CISTR: variants seen among roughly 807,000 people sequenced by gnomAD.
The protein encoded by CISTR is chondrogenesis-associated transcript.
At chr12:53,755,446 T>G (rs999566871) in intron 1 of CISTR, among the ~76,000 whole-genome samples, 4 of 152,108 alleles carry the variant, frequency 2.6e-5, no homozygotes, top group African/African-American at 9.7e-5. Context: ...CTACATTTCT[T>G]TTGCTGACAG....
rs1937849412 is a variant in CISTR, at chr12:53,751,454, G to A, written n.415-489C>T. ...GTTTCCGAAATCGCCCGGCGGCCGCGAATTCATTAGTGGGGGGCGGATGTA... is the reference window on the plus strand; with the variant it reads ...GTTTCCGAAATCGCCCGGCGGCCGCAAATTCATTAGTGGGGGGCGGATGTA... On this transcript the variant is annotated intron_variant and non_coding_transcript_variant, in intron 1 of 2. Transcript: ENST00000669269. This position sits in a 1 kb window ranked among gnomAD's most constrained non-coding sequence, Gnocchi z 4.6. Among the ~76,000 whole-genome samples, 3 of 152,166 alleles carry A rather than the reference G, an allele frequency of 2.0e-5. No individual in the cohort carries two copies. The highest frequency in any genetic ancestry group is 2.0e-4 in the Admixed American group (3 of 15,288).
intron 1 of CISTR, among the ~76,000 whole-genome samples, chr12:53,753,684 G>A (rs1382358429): frequency 1.3e-5 from 2 of 151,452 alleles, no homozygotes; most frequent in Non-Finnish European, 2.9e-5. Flanking sequence ...GTGTGTGTGT[G>A]TGTGTGTGTG....
chr12:53,750,178 A>G (rs984621800), intron 2 of CISTR, among the ~76,000 whole-genome samples: 1 of 152,232 alleles, frequency 6.6e-6, no homozygotes, highest in Admixed American at 6.5e-5. Flanking sequence ...AAGATCAACA[A>G]GTGCAAATGA....
At chr12:53,753,676 G>A (rs1057063299) in intron 1 of CISTR, among the ~76,000 whole-genome samples, 1 of 149,346 alleles carries the variant, frequency 6.7e-6, no homozygotes, top group Admixed American at 6.6e-5. Context: ...GTGTGTGTGT[G>A]TGTGTGTGTG....
intron 1 of CISTR, among the ~76,000 whole-genome samples, chr12:53,755,478 G>A (rs751900914): frequency 6.6e-6 from 1 of 152,136 alleles, no homozygotes; most frequent in Non-Finnish European, 1.5e-5. Flanking sequence ...CTTTAGTGGA[G>A]GTATTATCTA....
chr12:53,755,339 G>GAT (rs1422506543), intron 1 of CISTR, among the ~76,000 whole-genome samples: 1 of 150,880 alleles, frequency 6.6e-6, no homozygotes, highest in African/African-American at 2.5e-5. Flanking sequence ...GTGTGTGTGT[G>GAT]TGTGGTAGGA....
In CISTR at chr12:53,751,482, C is replaced by G. The variant is rs1220203213; in HGVS notation, n.415-517G>C. 6.6e-6 allele frequency among the ~76,000 whole-genome samples: 1 copy of G among 152,280 alleles called. No individual in the cohort carries two copies. Among genetic ancestry groups the G allele is most frequent in the Non-Finnish European group, 1.5e-5 (1 of 68,010 alleles). ...TTCATTAGTGGGGGGCGGATGTAAA[C>G]GCAGCGCGGTGGAACGTTTTAATTA... is the stretch of plus-strand genomic sequence containing the variant. On this transcript the variant is annotated intron_variant and non_coding_transcript_variant, in intron 1 of 2. Coordinates refer to ENST00000669269, the Ensembl canonical transcript of CISTR. The surrounding 1 kb of genome is among the most constrained non-coding windows in gnomAD (Gnocchi z 4.6).
intron 1 of CISTR, among the ~76,000 whole-genome samples, chr12:53,755,178 G>C (rs1425824672): frequency 3.3e-5 from 5 of 152,210 alleles, no homozygotes; most frequent in Non-Finnish European, 7.3e-5. Context: ...GGAGTGAAGG[G>C]TGGGACGGGA....
intron 1 of CISTR, among the ~76,000 whole-genome samples, chr12:53,752,917 CT>C (rs1431932497): frequency 6.6e-6 from 1 of 152,166 alleles, no homozygotes; most frequent in Non-Finnish European, 1.5e-5. Flanking sequence ...CCTCTTAGGG[CT>C]GCAGAGTCAT....
chr12:53,755,308 GGTGT>G (rs3058893), intron 1 of CISTR, among the ~76,000 whole-genome samples: 10,486 of 147,182 alleles, frequency 0.071, 441 homozygotes, highest in Non-Finnish European at 0.097. Context: ...TCCTGTTTGG[GGTGT>G]GTGTGTGTGT....
chr12:53,753,052 T>TCACA (rs760615546), intron 1 of CISTR, among the ~76,000 whole-genome samples: 15,896 of 120,892 alleles, frequency 0.13, 1,150 homozygotes, highest in East Asian at 0.34. Context: ...CATCTATACA[T>TCACA]CACACACACA....
intron 1 of CISTR, among the ~76,000 whole-genome samples, chr12:53,753,062 A>T (rs962522377): frequency 2.0e-4 from 24 of 120,278 alleles, no homozygotes; most frequent in Non-Finnish European, 4.2e-4. Flanking sequence ...TCACACACAC[A>T]CACACACACA....
chr12:53,754,487 A>T (rs975097477), intron 1 of CISTR: 4 of 152,168 alleles, frequency 2.6e-5, no homozygotes, highest in African/African-American at 4.8e-5. Context: ...ATTCCTGGCT[A>T]CTTACCAGTT....
rs1937846350 is a variant in CISTR at position 53,751,215 on chromosome 12, C to T, written n.415-250G>A. Among the ~76,000 whole-genome samples the T allele has an allele frequency of 6.6e-6, 1 of 152,194 alleles. No homozygotes were observed. Among genetic ancestry groups the T allele is most frequent in the Non-Finnish European group, 1.5e-5 (1 of 68,026 alleles). ...CACTCTCTCCTGGCCTCCCTCCCGC[C>T]GCCCCTCCTCTGAGCCCTGCGGCCC... On this transcript the variant is annotated intron_variant and non_coding_transcript_variant, in intron 1 of 2. Transcript: ENST00000669269. This position sits in a 1 kb window ranked among gnomAD's most constrained non-coding sequence, Gnocchi z 4.6.
intron 2 of CISTR, among the ~76,000 whole-genome samples, chr12:53,749,728 G>A (rs1238657052): frequency 1.4e-4 from 22 of 152,132 alleles, no homozygotes; most frequent in Admixed American, 1.4e-3. Flanking sequence ...ATCTGCACCA[G>A]AGGCAAATTT....
At position 53,751,376 on chromosome 12, in the gene CISTR, C is replaced by G. The variant is rs1218679801; in HGVS notation, n.415-411G>C. 6.6e-6 allele frequency among the ~76,000 whole-genome samples: 1 copy of G among 152,172 alleles called. No individual in the cohort carries two copies. Among genetic ancestry groups the G allele is most frequent in the Non-Finnish European group, 1.5e-5 (1 of 68,016 alleles). On this transcript the variant is annotated intron_variant and non_coding_transcript_variant, in intron 1 of 2. Transcript: ENST00000669269. The surrounding 1 kb of genome is among the most constrained non-coding windows in gnomAD (Gnocchi z 4.6). ...GAAGGGGTGTGCGTGGGTGTCCTCT[C>G]CTTCACTCTTTCCCCAGCCCTGTCG...
At chr12:53,753,665 GGTGT>G (rs55769002) in intron 1 of CISTR, among the ~76,000 whole-genome samples, 34,004 of 141,040 alleles carry the variant, frequency 0.24, 4,347 homozygotes, top group Non-Finnish European at 0.32. Context: ...AATGCATAGG[GGTGT>G]GTGTGTGTGT....
chr12:53,754,592 G>C (rs528963225), intron 1 of CISTR: 1 of 152,170 alleles, frequency 6.6e-6, no homozygotes, highest in Non-Finnish European at 1.5e-5. Flanking sequence ...GCTTGTTACT[G>C]AGAATAAAAT....
rs35849779 is a variant in CISTR, at chr12:53,756,726, ATG to A, written n.414+86_414+87del. 6.8e-4 allele frequency: 90 copies of A among 132,130 alleles called. 1 individual carries two copies. Among genetic ancestry groups the A allele is most frequent in the Non-Finnish European group, 6.3e-4 (40 of 63,516 alleles). 8.2% of individuals were successfully genotyped at this position (132,130 alleles called of 1,614,324 possible). A position where few individuals can be genotyped will look rare whatever the true frequency, so the allele number is the denominator to read the frequency against. On this transcript the variant is annotated intron_variant and non_coding_transcript_variant, in intron 1 of 2. Coordinates refer to ENST00000669269, the Ensembl canonical transcript of CISTR. The surrounding 1 kb of genome is among the most constrained non-coding windows in gnomAD (Gnocchi z 4.0). ...AGTCAGAGTGGGCTGTGGGTCAGTG[ATG>A]TGTGTGTGTGTGTGTGTGTGTGTAC...
Sources: allele counts gnomAD v4.1 joint callset (sites outside exome capture counted in the v4.1 genomes callset), GRCh38; gene constraint gnomAD v4.1.1; non-coding constraint Gnocchi (gnomAD v3.1); transcripts MANE v1.5; gene names NCBI Gene and HGNC (gene_info 2026-07-23, HGNC 2026-07-21).